Variants in AGBL2 observed in about 807,000 individuals in gnomAD.
AGBL2 encodes the protein AGBL carboxypeptidase 2.
Under a neutral mutation model 103.0 loss-of-function variants are expected in AGBL2, and 87 were observed. The observed-to-expected ratio is 0.84, with a 90% CI of 0.71 to 1.01. The LOEUF (loss-of-function observed/expected upper bound fraction) is 1.01. Among genes scored for constraint, AGBL2 ranks in the 50% least tolerant of loss-of-function variants. AGBL2 has a pLI of 0.00. For missense variants in AGBL2, 904 were observed against 1,023.5 expected, an observed-to-expected ratio of 0.88 and a Z score of 1.59; for synonymous variants, 335 against 356.7, an observed-to-expected ratio of 0.94 and a Z score of 0.69.
Position 47,710,410 on chromosome 11 carries a change from T to C in AGBL2, c.199A>G (p.Ile67Val). 1 of 1,614,132 alleles carries C rather than the reference T, an allele frequency of 6.2e-7. No individual in the cohort carries two copies. The highest frequency in any genetic ancestry group is 8.5e-7 in the Non-Finnish European group (1 of 1,180,004). Residue 67 changes from isoleucine (I) to valine (V), a missense_variant, in exon 4 of 19, where the codon ATA becomes GTA. Ile to Val is a conservative substitution (Grantham distance 29, BLOSUM62 3). Coordinates refer to ENST00000525123, the MANE Select transcript of AGBL2 (RefSeq NM_024783.4). ...TTCTCCTTTTGCAGGGTGTCTGGTA[T>C]CAAATCATCTTTTTCCCCAAGAGAG... ...NGSLGEKDDLIPDTLQKEKLL... is the reference protein window; with the variant it reads ...NGSLGEKDDLVPDTLQKEKLL...
intron 9 of AGBL2, among the ~76,000 whole-genome samples, chr11:47,691,729 A>AAAAAAAAAAAAAAAAAAATATATACATAT: frequency 2.1e-4 from 1 of 4,850 alleles, no homozygotes; most frequent in Non-Finnish European, 3.6e-4. Flanking sequence ...AAAAAAAAAA[A>AAAAAAAAAAAAAAAAAAATATATACATAT]ATATATATAT....
intron 12 of AGBL2, 120 bp downstream of exon 12, chr11:47,681,849 T>C (rs778714918): frequency 4.3e-5 from 54 of 1,261,514 alleles, no homozygotes; most frequent in Non-Finnish European, 5.8e-5. Flanking sequence ...AGCATAAGTC[T>C]AGACAAAGAA....
chr11:47,691,861 A>G (rs1225888572), intron 9 of AGBL2, among the ~76,000 whole-genome samples: 2 of 148,562 alleles, frequency 1.3e-5, no homozygotes, highest in African/African-American at 4.9e-5. Flanking sequence ...TTTTTATGTT[A>G]CATATTTTTA....
intron 10 of AGBL2, among the ~76,000 whole-genome samples, 184 bp from the exon 11 acceptor site, chr11:47,686,233 C>T (rs570645084): frequency 6.6e-6 from 1 of 152,210 alleles, no homozygotes; most frequent in East Asian, 1.9e-4. Flanking sequence ...ATGTCATCAG[C>T]TTGCCTTGCC....
At chr11:47,680,596 T>C (rs2097397488) in intron 12 of AGBL2, among the ~76,000 whole-genome samples, 1 of 152,190 alleles carries the variant, frequency 6.6e-6, no homozygotes, top group Non-Finnish European at 1.5e-5. Flanking sequence ...CTGGGCAACA[T>C]GGTGAGACCT....
chr11:47,703,962 G>A (rs116260529), intron 7 of AGBL2, among the ~76,000 whole-genome samples: 4,927 of 150,552 alleles, frequency 0.033, 270 homozygotes, highest in African/African-American at 0.11. Flanking sequence ...CTAGCCAGGC[G>A]TGGTGGCCAG....
chr11:47,682,643 T>TA (rs1278905899), intron 11 of AGBL2, among the ~76,000 whole-genome samples: 2 of 152,194 alleles, frequency 1.3e-5, no homozygotes, highest in Non-Finnish European at 2.9e-5. Context: ...CCCTCTCCCT[T>TA]ACACTAATCT....
intron 8 of AGBL2, among the ~76,000 whole-genome samples, chr11:47,695,463 G>T (rs2097464667): frequency 1.2e-5 from 1 of 84,252 alleles, no homozygotes; most frequent in Admixed American, 1.6e-4. Flanking sequence ...CGACGAAAGT[G>T]AAACTCTGTC....
At chr11:47,697,189 A>G (rs1443402735) in intron 8 of AGBL2, among the ~76,000 whole-genome samples, 1 of 151,826 alleles carries the variant, frequency 6.6e-6, no homozygotes. Flanking sequence ...TCAGCCTCCC[A>G]AAGTGCTAGG....
At chr11:47,667,231 T>C (rs2097343649) in intron 16 of AGBL2, among the ~76,000 whole-genome samples, 168 bp from the exon 17 acceptor site, 1 of 152,226 alleles carries the variant, frequency 6.6e-6, no homozygotes, top group Non-Finnish European at 1.5e-5. Context: ...TCCAGCTGTC[T>C]TAGCCTGGAC....
At position 47,660,018 on chromosome 11, in the gene AGBL2, A is replaced by G; in HGVS notation, c.*155T>C. On this transcript the variant is annotated 3_prime_UTR_variant, in exon 19 of 19. Transcript: ENST00000525123. ...AGGTATGCATCTTGACCACATGCCCACAGTGTAAGTACAAAGTGTAAGGTC... is the reference window on the plus strand; with the variant it reads ...AGGTATGCATCTTGACCACATGCCCGCAGTGTAAGTACAAAGTGTAAGGTC... 1.5e-6 allele frequency: 1 copy of G among 664,768 alleles called. No individual in the cohort carries two copies. The highest frequency in any genetic ancestry group is 2.3e-6 in the Non-Finnish European group (1 of 433,270). 41.2% of individuals were successfully genotyped at this position (664,768 alleles called of 1,614,324 possible).
chr11:47,709,101 G>A (rs531510508), intron 4 of AGBL2, among the ~76,000 whole-genome samples: 15 of 152,290 alleles, frequency 9.8e-5, no homozygotes, highest in African/African-American at 1.4e-4. Context: ...CAGCCTGGGC[G>A]ACAAGAGCGA....
At position 47,677,328 on chromosome 11, in the gene AGBL2, T is replaced by C. The variant is rs368749899; in HGVS notation, c.2090A>G (p.Gln697Arg). ...CCAACTTCCTTCTAAATCTACATCT[T>C]GTCCAAGTTCATGGAATTTCTTGTG... The part of the protein sequence containing the change: ...EIHKKFHELG[Q>R]DVDLEGSWSD... The change falls in exon 14 of 19, where the codon CAA (glutamine) becomes CGA (arginine). Residue 697 changes from glutamine (Q) to arginine (R), a missense_variant. Gln to Arg is a conservative substitution (Grantham distance 43). Transcript: ENST00000525123. 1 of 1,611,960 alleles carries C rather than the reference T, an allele frequency of 6.2e-7. No individual in the cohort carries two copies. Among genetic ancestry groups the C allele is most frequent in the Non-Finnish European group, 8.5e-7 (1 of 1,178,866 alleles).
intron 18 of AGBL2, among the ~76,000 whole-genome samples, chr11:47,662,516 G>A (rs1172705194): frequency 7.9e-6 from 1 of 126,328 alleles, no homozygotes; most frequent in African/African-American, 3.1e-5. Flanking sequence ...TTTTTTAGAC[G>A]GAGTCGCACT....
intron 13 of AGBL2, among the ~76,000 whole-genome samples, chr11:47,678,330 A>ATTTTTTTTTTTTTTTTTTTTTTTT (rs869274971): frequency 8.7e-6 from 1 of 114,380 alleles, no homozygotes; most frequent in Non-Finnish European, 2.0e-5. Flanking sequence ...ATTTTATTTT[A>ATTTTTTTTTTTTTTTTTTTTTTTT]TTTTATTATT....
chr11:47,665,022 T>TA lies in AGBL2; in HGVS notation c.2449-1911dup, dbSNP rs2097337764. On this transcript the variant is annotated intron_variant, in intron 17 of 18. Coordinates refer to ENST00000525123, the MANE Select transcript of AGBL2 (RefSeq NM_024783.4). Reference sequence around the variant, plus strand: ...TCAGCCTCCCAAGTAGCTAAGACTATAAGCATGCGCCACCATGCACAGCTC... The same window carrying TA: ...TCAGCCTCCCAAGTAGCTAAGACTATAAAGCATGCGCCACCATGCACAGCTC... 1.3e-5 allele frequency among the ~76,000 whole-genome samples: 2 copies of TA among 151,586 alleles called. 1 individual carries two copies. The highest frequency in any genetic ancestry group is 4.2e-4 in the South Asian group (2 of 4,812).
intron 8 of AGBL2, among the ~76,000 whole-genome samples, chr11:47,695,994 G>A (rs1200672882): frequency 5.9e-5 from 6 of 102,292 alleles, no homozygotes; most frequent in Admixed American, 1.5e-4. Context: ...GTGAAACTCC[G>A]TCTGTACTAA....
chr11:47,668,208 CAAAA>C (rs34571219), intron 15 of AGBL2, among the ~76,000 whole-genome samples: 1 of 95,136 alleles, frequency 1.1e-5, no homozygotes, highest in African/African-American at 4.8e-5. Flanking sequence ...GACTCCATCT[CAAAA>C]AAAAAAAAAA....
intron 14 of AGBL2, among the ~76,000 whole-genome samples, chr11:47,674,487 A>C (rs369215937): frequency 3.3e-4 from 49 of 149,544 alleles, no homozygotes; most frequent in African/African-American, 1.1e-3. Flanking sequence ...GAATTGCTTG[A>C]ACCTGGGAAG....
Sources: allele counts gnomAD v4.1 joint callset (sites outside exome capture counted in the v4.1 genomes callset), GRCh38; gene constraint gnomAD v4.1.1; transcripts MANE v1.5; gene names NCBI Gene and HGNC (gene_info 2026-07-23, HGNC 2026-07-21).